The following SERPINB5 variants were observed in gnomAD, a reference collection of about 807,000 sequenced individuals.
SERPINB5 encodes the protein serpin B5.
SERPINB5 carries 27 observed loss-of-function variants against 32.2 expected under a neutral mutation model. That is an observed-to-expected ratio of 0.84 (90% confidence interval 0.62 to 1.16). The LOEUF is 1.16. Ranked by LOEUF, SERPINB5 falls within the 50% of genes most tolerant of loss-of-function variation. The pLI is 0.00. For synonymous variants in SERPINB5, 154 were observed against 157.4 expected, an observed-to-expected ratio of 0.98 and a Z score of 0.16; for missense variants, 388 against 436.3, an observed-to-expected ratio of 0.89 and a Z score of 0.99.
intron 5 of SERPINB5, among the ~76,000 whole-genome samples, chr18:63,495,696 C>T (rs886144291): frequency 6.6e-6 from 1 of 152,152 alleles, no homozygotes; most frequent in African/African-American, 2.4e-5. Context: ...GTGTGCTATT[C>T]CTTTATTCTT....
intron 3 of SERPINB5, among the ~76,000 whole-genome samples, chr18:63,487,506 AT>A (rs1308685015): frequency 6.6e-6 from 1 of 152,136 alleles, no homozygotes; most frequent in Non-Finnish European, 1.5e-5. Flanking sequence ...TCTCCACCTC[AT>A]TTTTTATGCA....
Position 63,486,863 on chromosome 18 carries a change from C to T in SERPINB5, c.169-83C>T, listed in dbSNP as rs527661391. 2.9e-5 allele frequency: 42 copies of T among 1,432,394 alleles called. No individual in the cohort carries two copies. In the African/African-American group the frequency reaches 5.2e-4, roughly 18 times the overall value. 88.7% of individuals were successfully genotyped at this position (1,432,394 alleles called of 1,614,324 possible). A position where few individuals can be genotyped will look rare whatever the true frequency, so the allele number is the denominator to read the frequency against. ...CAGGAGGAGTCTGTATGCCCAAGGA[C>T]GTTGGTCATTATCACGTGTCCACTT... On this transcript the variant is annotated intron_variant, in intron 2 of 6. Transcript: ENST00000382771.
At chr18:63,479,646 CA>C (rs1917094537) in intron 1 of SERPINB5, among the ~76,000 whole-genome samples, 1 of 152,098 alleles carries the variant, frequency 6.6e-6, no homozygotes, top group Non-Finnish European at 1.5e-5. Flanking sequence ...GGGTGCTCAT[CA>C]AAACACTTAA....
At chr18:63,485,389 G>A (rs1917193695) in intron 2 of SERPINB5, among the ~76,000 whole-genome samples, 1 of 152,090 alleles carries the variant, frequency 6.6e-6, no homozygotes, top group Non-Finnish European at 1.5e-5. Flanking sequence ...ATCATTCTAG[G>A]TTCAATAGAA....
At chr18:63,497,127 C>T (rs531540348) in intron 5 of SERPINB5, 10 of 628,304 alleles carry the variant, frequency 1.6e-5, no homozygotes, top group South Asian at 1.2e-4. Flanking sequence ...CAGCTCCCCA[C>T]TTTAGGTGTG....
chr18:63,489,578 T>TA (rs1223911609), intron 4 of SERPINB5, 114 bp downstream of exon 4: 2 of 674,368 alleles, frequency 3.0e-6, no homozygotes, highest in Non-Finnish European at 5.1e-6. Context: ...TGGATATTTT[T>TA]ACTACACAAG....
intron 1 of SERPINB5, among the ~76,000 whole-genome samples, chr18:63,478,756 T>G (rs1917076327): frequency 8.8e-6 from 1 of 113,398 alleles, no homozygotes; most frequent in East Asian, 2.4e-4. Flanking sequence ...AGTAAAAACG[T>G]AGTTTTTTTT....
At chr18:63,492,878 T>C (rs1005707642) in intron 4 of SERPINB5, 75 bp from the exon 5 acceptor site, 1 of 1,535,454 alleles carries the variant, frequency 6.5e-7, no homozygotes, top group Non-Finnish European at 8.8e-7. Flanking sequence ...AAATACTCAG[T>C]GAATATGCAT....
At chr18:63,477,903 T>G (rs1474613426) in intron 1 of SERPINB5, among the ~76,000 whole-genome samples, 1 of 152,184 alleles carries the variant, frequency 6.6e-6, no homozygotes, top group Non-Finnish European at 1.5e-5. Context: ...TGATCTGGTG[T>G]CCAAAGGCAC....
chr18:63,497,234 CAGGGGCT>C (rs1460855217), intron 5 of SERPINB5: 53 of 803,778 alleles, frequency 6.6e-5, no homozygotes, highest in Non-Finnish European at 4.1e-5. Flanking sequence ...GTGGTTGGTT[CAGGGGCT>C]AGCATTGGAA....
intron 1 of SERPINB5, among the ~76,000 whole-genome samples, chr18:63,483,220 C>G (rs975657271): frequency 6.6e-5 from 10 of 152,158 alleles, no homozygotes; most frequent in African/African-American, 2.4e-4. Flanking sequence ...TTCTTTAACT[C>G]CCATATTACT....
chr18:63,503,135 G>C (rs1267672097), intron 6 of SERPINB5, among the ~76,000 whole-genome samples, 195 bp from the exon 7 acceptor site: 1 of 152,162 alleles, frequency 6.6e-6, no homozygotes, highest in Non-Finnish European at 1.5e-5. Flanking sequence ...GTTATAGGCT[G>C]GGGAGGAGGA....
At chr18:63,499,407 C>A (rs1371462192) in intron 6 of SERPINB5, 120 bp downstream of exon 6, 7 of 782,382 alleles carry the variant, frequency 8.9e-6, no homozygotes, top group Non-Finnish European at 1.1e-5. Context: ...GCCACTGGCT[C>A]AGTCACCTCC....
At chr18:63,497,318 A>C (rs545666051) in intron 5 of SERPINB5, 2 of 1,275,626 alleles carry the variant, frequency 1.6e-6, no homozygotes, top group Non-Finnish European at 2.3e-6. Flanking sequence ...CTCTTCTCCT[A>C]TGCGATTCTG....
At chr18:63,491,375 C>T (rs548506837) in intron 4 of SERPINB5, among the ~76,000 whole-genome samples, 1 of 134,828 alleles carries the variant, frequency 7.4e-6, no homozygotes, top group African/African-American at 2.9e-5. Flanking sequence ...GCACTCCAGC[C>T]TGGGTGAGAA....
In SERPINB5 at chr18:63,503,411, A is replaced by T. The variant is rs772949316; in HGVS notation, c.817A>T (p.Ile273Phe). Residue 273 changes from isoleucine (I) to phenylalanine (F), a missense_variant, in exon 7 of 7, where the codon ATT (isoleucine) becomes TTT (phenylalanine). By Grantham distance (21) the Ile-to-Phe change is conservative (BLOSUM62 0). Coordinates refer to ENST00000382771, the MANE Select transcript of SERPINB5 (RefSeq NM_002639.5). ...GGCCAATGCCAAGGTCAAACTCTCC[A>T]TTCCAAAATTTAAGGTGGAAAAGAT... ...TMANAKVKLS[I>F]PKFKVEKMID... 1 of 1,614,126 alleles carries T rather than the reference A, an allele frequency of 6.2e-7. No individual in the cohort carries two copies. Among genetic ancestry groups the T allele is most frequent in the African/African-American group, 1.3e-5 (1 of 74,946 alleles).
At chr18:63,489,639 C>A (rs1465835251) in intron 4 of SERPINB5, among the ~76,000 whole-genome samples, 175 bp downstream of exon 4, 1 of 152,202 alleles carries the variant, frequency 6.6e-6, no homozygotes, top group Non-Finnish European at 1.5e-5. Context: ...CTGGGCAATT[C>A]TTGTATCATC....
intron 5 of SERPINB5, among the ~76,000 whole-genome samples, chr18:63,496,127 A>C (rs1909440737): frequency 9.6e-6 from 1 of 104,216 alleles, no homozygotes; most frequent in African/African-American, 3.0e-5. Flanking sequence ...TCTTTTCAGA[A>C]GATATGTCGT....
intron 4 of SERPINB5, among the ~76,000 whole-genome samples, chr18:63,489,792 G>C (rs892838938): frequency 6.6e-6 from 1 of 152,176 alleles, no homozygotes; most frequent in Admixed American, 6.5e-5. Flanking sequence ...CCATTTTTCA[G>C]TCTGGAAATA....
Sources: allele counts gnomAD v4.1 joint callset (sites outside exome capture counted in the v4.1 genomes callset), GRCh38; gene constraint gnomAD v4.1.1; transcripts MANE v1.5; gene names NCBI Gene and HGNC (gene_info 2026-07-23, HGNC 2026-07-21).